The following LHFPL6 variants were observed in gnomAD, a reference collection of about 807,000 sequenced individuals.
The protein encoded by LHFPL6 is LHFPL tetraspan subfamily member 6 protein.
Under a neutral mutation model 20.6 loss-of-function variants are expected in LHFPL6, and 9 were observed. The ratio of observed to expected loss-of-function variants is 0.44; its 90% CI spans 0.26 to 0.76. The LOEUF (loss-of-function observed/expected upper bound fraction) is 0.76. Among genes scored for constraint, LHFPL6 ranks in the 30% least tolerant of loss-of-function variants. The pLI is 0.20. For synonymous variants in LHFPL6, 105 were observed against 98.7 expected (o/e 1.06, Z -0.38); for missense variants, 218 against 253.5 (o/e 0.86, Z 0.95).
Position 39,397,928 on chromosome 13 carries a change from T to TG in LHFPL6, c.386-19403_386-19402insC, listed in dbSNP as rs1566102191. On this transcript the variant is annotated intron_variant, in intron 2 of 3. Transcript: ENST00000379589. Reference sequence around the variant, plus strand: ...ACTTTGTGTGTGTGTGTGTGTGTGTTTGTGTGCATTTGTGTAGAGAGAGAC... The same window carrying TG: ...ACTTTGTGTGTGTGTGTGTGTGTGTTGTGTGTGCATTTGTGTAGAGAGAGAC... Among the ~76,000 whole-genome samples, 568 of 148,486 alleles carry TG rather than the reference T, an allele frequency of 3.8e-3. 3 individuals are homozygous for TG. The highest frequency in any genetic ancestry group is 0.013 in the African/African-American group (544 of 40,444).
At chr13:39,465,302 G>A (rs115202742) in intron 2 of LHFPL6, among the ~76,000 whole-genome samples, 2,228 of 152,130 alleles carry the variant, frequency 0.015, 52 homozygotes, top group African/African-American at 0.049. Context: ...GACTGCTAGC[G>A]GCATGCCAAC....
intron 2 of LHFPL6, among the ~76,000 whole-genome samples, chr13:39,475,825 ACT>A (rs1873071938): frequency 6.6e-6 from 1 of 151,920 alleles, no homozygotes; most frequent in Admixed American, 6.6e-5. Flanking sequence ...AAGGATCACT[ACT>A]CTCTATCCCT....
At chr13:39,489,506 GTT>G (rs1868840868) in intron 2 of LHFPL6, among the ~76,000 whole-genome samples, 1 of 150,522 alleles carries the variant, frequency 6.6e-6, no homozygotes, top group Non-Finnish European at 1.5e-5. Flanking sequence ...TCATACACAT[GTT>G]TGTGTTAAAG....
chr13:39,460,291 T>C (rs866769992), intron 2 of LHFPL6, among the ~76,000 whole-genome samples: 7 of 152,292 alleles, frequency 4.6e-5, no homozygotes, highest in Middle Eastern at 3.4e-3. Flanking sequence ...TAAAGTAAGA[T>C]AGTTAAAAGA....
chr13:39,528,595 C>T (rs893261022), intron 2 of LHFPL6, among the ~76,000 whole-genome samples: 1 of 152,206 alleles, frequency 6.6e-6, no homozygotes, highest in Non-Finnish European at 1.5e-5. Flanking sequence ...TAAACTTCCA[C>T]GTTTCCCATC....
At chr13:39,428,883 T>C (rs75411283) in intron 2 of LHFPL6, among the ~76,000 whole-genome samples, 139 of 152,344 alleles carry the variant, frequency 9.1e-4, no homozygotes, top group African/African-American at 3.3e-3. Flanking sequence ...TTTCATTCCA[T>C]TCAAAATACT....
At chr13:39,528,785 A>G (rs1427589389) in intron 2 of LHFPL6, among the ~76,000 whole-genome samples, 1 of 152,202 alleles carries the variant, frequency 6.6e-6, no homozygotes, top group Non-Finnish European at 1.5e-5. Flanking sequence ...GTCCCAAGAT[A>G]TTCTTCCAGG....
intron 3 of LHFPL6, among the ~76,000 whole-genome samples, chr13:39,353,359 C>G (rs1419654362): frequency 2.6e-5 from 4 of 152,012 alleles, no homozygotes; most frequent in Non-Finnish European, 5.9e-5. Flanking sequence ...ACCACCCAAA[C>G]TTGGTTGGTG....
At chr13:39,406,224 T>C (rs955070554) in intron 2 of LHFPL6, among the ~76,000 whole-genome samples, 3 of 152,194 alleles carry the variant, frequency 2.0e-5, no homozygotes, top group Non-Finnish European at 2.9e-5. Context: ...CAATACACCA[T>C]TTGAGGAAGA....
intron 2 of LHFPL6, among the ~76,000 whole-genome samples, chr13:39,584,947 C>T (rs757297281): frequency 3.3e-5 from 5 of 152,112 alleles, no homozygotes; most frequent in African/African-American, 4.8e-5. Context: ...TTGCCAAGAA[C>T]GAGAAGTCTA....
rs11404413 is a variant in LHFPL6, at chr13:39,598,287, C to CTT, written c.385+2543_385+2544dup. Among the ~76,000 whole-genome samples the CTT allele has an allele frequency of 4.4e-3, 648 of 148,332 alleles. 9 individuals are homozygous for CTT. Among genetic ancestry groups the CTT allele is most frequent in the African/African-American group, 0.014 (555 of 40,852 alleles). ...GCTACCTAGGGAATTCTTTTTGAAA[C>CTT]TTTTTTTTTTTTGGTCATCTGGTCT... On this transcript the variant is annotated intron_variant, in intron 2 of 3. Transcript: ENST00000379589.
intron 2 of LHFPL6, among the ~76,000 whole-genome samples, chr13:39,587,411 G>A (rs1326484888): frequency 1.3e-5 from 2 of 152,040 alleles, no homozygotes; most frequent in Admixed American, 6.6e-5. Context: ...CTGCTGTGAC[G>A]CCTTGCCAGT....
At chr13:39,370,798 C>T (rs144111019) in intron 3 of LHFPL6, among the ~76,000 whole-genome samples, 12 of 152,290 alleles carry the variant, frequency 7.9e-5, no homozygotes, top group Non-Finnish European at 1.3e-4. Context: ...CAAAATGAAG[C>T]GAGTCATATT....
In LHFPL6 at chr13:39,479,125, C is replaced by CTATCTATA. The variant is rs1221900619; in HGVS notation, c.386-100600_386-100599insTATAGATA. Among the ~76,000 whole-genome samples, 443 of 126,898 alleles carry CTATCTATA rather than the reference C, an allele frequency of 3.5e-3. 1 individual carries two copies. The highest frequency in any genetic ancestry group is 7.6e-3 in the Middle Eastern group (2 of 264). 83.3% of individuals were successfully genotyped at this position (126,898 alleles called of 152,430 possible). A position where few individuals can be genotyped will look rare whatever the true frequency, so the allele number is the denominator to read the frequency against. On this transcript the variant is annotated intron_variant, in intron 2 of 3. Transcript: ENST00000379589. ...TCTACCTATCTATCCATCCATCTAT[C>CTATCTATA]TATCTATCTATCTATCTATCTATCT...
intron 2 of LHFPL6, among the ~76,000 whole-genome samples, chr13:39,548,601 C>G (rs951270172): frequency 6.6e-6 from 1 of 152,028 alleles, no homozygotes; most frequent in Non-Finnish European, 1.5e-5. Flanking sequence ...GAATCAAACT[C>G]ATGTCCAAAA....
chr13:39,548,263 C>T (rs1433578919), intron 2 of LHFPL6, among the ~76,000 whole-genome samples: 1 of 152,094 alleles, frequency 6.6e-6, no homozygotes, highest in Non-Finnish European at 1.5e-5. Context: ...AGACATTCCT[C>T]CCCAAAGGCA....
chr13:39,587,901 A>C, intron 2 of LHFPL6, among the ~76,000 whole-genome samples: 1 of 152,002 alleles, frequency 6.6e-6, no homozygotes, highest in East Asian at 1.9e-4. Flanking sequence ...TTCTAGGAGG[A>C]GGAACCATGC....
At chr13:39,590,568 A>G in intron 2 of LHFPL6, among the ~76,000 whole-genome samples, 1 of 152,236 alleles carries the variant, frequency 6.6e-6, no homozygotes, top group East Asian at 1.9e-4. Context: ...CTTTCTGATT[A>G]TAACCAACAC....
chr13:39,488,527 C>T (rs1868801081), intron 2 of LHFPL6, among the ~76,000 whole-genome samples: 1 of 152,234 alleles, frequency 6.6e-6, no homozygotes, highest in Non-Finnish European at 1.5e-5. Flanking sequence ...GAATCACATC[C>T]TTCTCTCCTA....
Sources: gnomAD v4.1 joint callset for allele counts (sites outside exome capture counted in the v4.1 genomes callset) on GRCh38, gnomAD v4.1.1 for gene constraint, MANE v1.5 for transcripts, NCBI Gene and HGNC (gene_info 2026-07-23, HGNC 2026-07-21) for gene names.